Variants in DNAH17 observed in about 807,000 individuals in gnomAD.
The protein encoded by DNAH17 is dynein axonemal heavy chain 17, also known as axonemal beta dynein heavy chain 17.
In DNAH17, 376 loss-of-function variants were observed where a neutral mutation model predicts 485.6. The ratio of observed to expected loss-of-function variants is 0.77; its 90% CI spans 0.71 to 0.84. The LOEUF (loss-of-function observed/expected upper bound fraction) is 0.84, where lower values mean the gene tolerates loss of function less well. Among genes scored for constraint, DNAH17 ranks in the 40% least tolerant of loss-of-function variants. The probability of loss-of-function intolerance (pLI) is 0.00; values close to 1 mark genes in which losing one functional copy is unlikely to be tolerated. For missense variants in DNAH17, 6,370 were observed against 5,839.3 expected (o/e 1.09, Z -2.96); for synonymous variants, 3,031 against 2,405.9 (o/e 1.26, Z -7.60).
chr17:78,544,181 C>G (rs567138802), intron 16 of DNAH17, among the ~76,000 whole-genome samples, 184 bp from the exon 17 acceptor site: 1 of 152,144 alleles, frequency 6.6e-6, no homozygotes, highest in Admixed American at 6.5e-5. Flanking sequence ...GACTGTTGAC[C>G]AGAGAACCTT....
intron 73 of DNAH17, 170 bp downstream of exon 73, chr17:78,438,920 C>T (rs1222707142): frequency 3.9e-6 from 4 of 1,014,992 alleles, no homozygotes; most frequent in Non-Finnish European, 5.5e-6. Context: ...CCCAGCTGAC[C>T]CCAGCAGAGC....
rs2091197178 is a variant in DNAH17 at position 78,530,331 on chromosome 17, C to T, written c.3284+12G>A. On this transcript the variant is annotated intron_variant, in intron 21 of 80. Transcript: ENST00000389840. Reference sequence around the variant, plus strand: ...TTCCTTGGGCTCCCCGAGTACATGGCTGGGGACCCACCTGTTGGTGACGTG... The same window carrying T: ...TTCCTTGGGCTCCCCGAGTACATGGTTGGGGACCCACCTGTTGGTGACGTG... 6.2e-7 allele frequency: 1 copy of T among 1,600,254 alleles called. No individual in the cohort carries two copies. The highest frequency in any genetic ancestry group is 1.7e-5 in the Admixed American group (1 of 59,344).
intron 51 of DNAH17, among the ~76,000 whole-genome samples, chr17:78,478,134 T>C (rs530049216): frequency 1.4e-5 from 2 of 142,764 alleles, no homozygotes; most frequent in East Asian, 4.5e-4. Context: ...CCACGTGGCA[T>C]CATCACATCA....
At chr17:78,433,173 G>A (rs1043653362) in intron 75 of DNAH17, among the ~76,000 whole-genome samples, 4 of 152,320 alleles carry the variant, frequency 2.6e-5, no homozygotes, top group East Asian at 3.9e-4. Flanking sequence ...CCTTCTGGGC[G>A]AGGGGCTCCT....
intron 13 of DNAH17, 61 bp downstream of exon 13, chr17:78,560,679 T>C (rs2092133481): frequency 6.8e-7 from 1 of 1,479,410 alleles, no homozygotes; most frequent in Admixed American, 2.2e-5. Context: ...GAGGGAACCT[T>C]GGCAGGCCCT....
chr17:78,443,804 C>G (rs915387111), intron 71 of DNAH17, among the ~76,000 whole-genome samples: 24 of 152,134 alleles, frequency 1.6e-4, no homozygotes, highest in African/African-American at 5.8e-4. Context: ...CCCCAAAGTA[C>G]TGGGATTACA....
chr17:78,479,138 T>A (rs1278390075), intron 50 of DNAH17, 22 bp from the exon 51 acceptor site: 2 of 1,610,600 alleles, frequency 1.2e-6, no homozygotes. Flanking sequence ...AAAGGACGTG[T>A]CAATTCTCAT....
intron 26 of DNAH17, among the ~76,000 whole-genome samples, chr17:78,511,791 A>G (rs1048285396): frequency 6.6e-6 from 1 of 152,240 alleles, no homozygotes; most frequent in Non-Finnish European, 1.5e-5. Flanking sequence ...AGCTGTGCCC[A>G]GCTCCTTTCA....
rs969023713 is a variant in DNAH17 at position 78,527,067 on chromosome 17, T to G, written c.3508-71A>C. Reference sequence around the variant, plus strand: ...CTTAAACCTTCTATTGTGAAATAATTAGAGACTGGTAAGAAGCTGCAAAAA... The same window carrying G: ...CTTAAACCTTCTATTGTGAAATAATGAGAGACTGGTAAGAAGCTGCAAAAA... On this transcript the variant is annotated intron_variant, in intron 22 of 80. Coordinates refer to ENST00000389840, the MANE Select transcript of DNAH17 (RefSeq NM_173628.4). 13 of 1,309,422 alleles carry G rather than the reference T, an allele frequency of 9.9e-6. No individual in the cohort carries two copies. In the Admixed American group the frequency reaches 3.0e-4, roughly 30 times the overall value. The allele number at this position is 1,309,422 out of a possible 1,614,324, so 81.1% of individuals were successfully genotyped here. A position where few individuals can be genotyped will look rare whatever the true frequency, so the allele number is the denominator to read the frequency against.
At chr17:78,525,862 G>A (rs1016863316) in intron 24 of DNAH17, among the ~76,000 whole-genome samples, 3 of 152,264 alleles carry the variant, frequency 2.0e-5, no homozygotes, top group Non-Finnish European at 2.9e-5. Context: ...CGGCCATGAG[G>A]AAAGGTCGGA....
chr17:78,494,000 C>A (rs769700288), intron 41 of DNAH17, 36 bp downstream of exon 41: 1 of 1,594,758 alleles, frequency 6.3e-7, no homozygotes, highest in South Asian at 1.1e-5. Context: ...CCCACCATGC[C>A]GGATCCCTGC....
chr17:78,572,703 C>G lies in DNAH17; in HGVS notation c.537G>C (p.Glu179Asp), dbSNP rs1278029670. The part of the protein sequence containing the change: ...GSLDGTLESM[E>D]RIPSSLDNLL... ...CGGAAGCAGCTGGGCCCACACACCT[C>G]TCCATGGACTCCAGCGTGCCATCCA... The change falls in exon 3 of 81, where the codon GAG becomes GAC. Residue 179 changes from glutamate (E) to aspartate (D), a missense_variant and splice_region_variant. By Grantham distance (45) the Glu-to-Asp change is conservative. Coordinates refer to ENST00000389840, the MANE Select transcript of DNAH17 (RefSeq NM_173628.4). 5 of 1,602,346 alleles carry G rather than the reference C, an allele frequency of 3.1e-6. No homozygotes were observed. The East Asian group carries it at 1.1e-4, about 36-fold the overall frequency.
intron 37 of DNAH17, chr17:78,496,665 A>G (rs970074404): frequency 2.6e-5 from 2 of 76,358 alleles, no homozygotes; most frequent in African/African-American, 1.0e-4. Flanking sequence ...TCCCAGATGG[A>G]CTTTTTTTTT....
At chr17:78,524,150 T>A (rs1253417359) in intron 25 of DNAH17, among the ~76,000 whole-genome samples, 1 of 152,144 alleles carries the variant, frequency 6.6e-6, no homozygotes, top group Non-Finnish European at 1.5e-5. Context: ...TATGTGTTTA[T>A]TTTTTGAGAT....
intron 48 of DNAH17, among the ~76,000 whole-genome samples, chr17:78,482,903 G>C (rs1341052955): frequency 6.6e-6 from 1 of 152,168 alleles, no homozygotes; most frequent in Non-Finnish European, 1.5e-5. Context: ...GAATGTGGAG[G>C]CTCCTCCTTG....
chr17:78,453,595 A>C, intron 64 of DNAH17, 130 bp from the exon 65 acceptor site: 1 of 1,215,720 alleles, frequency 8.2e-7, no homozygotes, highest in Admixed American at 2.6e-5. Flanking sequence ...GGAGCCCACA[A>C]CTTGTTCCCA....
In DNAH17 at chr17:78,488,905, G is replaced by C. The variant is rs371123432; in HGVS notation, c.6818+1794C>G. ...GACCGCCGAGAGCCCCCAGGAGCTG[G>C]GAGAGAGGCCTGGGACAGGTTCTCC... On this transcript the variant is annotated intron_variant, in intron 44 of 80. Coordinates refer to ENST00000389840, the MANE Select transcript of DNAH17 (RefSeq NM_173628.4). Among the ~76,000 whole-genome samples the C allele has an allele frequency of 2.0e-5, 3 of 152,202 alleles. No homozygotes were observed. The East Asian group carries it at 5.8e-4, about 29-fold the overall frequency.
chr17:78,452,513 G>A (rs971778695), intron 65 of DNAH17, among the ~76,000 whole-genome samples: 1 of 152,262 alleles, frequency 6.6e-6, no homozygotes, highest in South Asian at 2.1e-4. Context: ...CGAGGCAGGT[G>A]GATCACCTGA....
chr17:78,472,646 G>T, intron 54 of DNAH17: 2 of 440,282 alleles, frequency 4.5e-6, no homozygotes, highest in Non-Finnish European at 9.2e-6. Flanking sequence ...TGTGGGGAGG[G>T]GAGCTGGGGT....
Sources: allele counts gnomAD v4.1 joint callset (sites outside exome capture counted in the v4.1 genomes callset), GRCh38; gene constraint gnomAD v4.1.1; transcripts MANE v1.5; gene names NCBI Gene and HGNC (gene_info 2026-07-23, HGNC 2026-07-21).